Variants in LIPJ observed in about 807,000 individuals in gnomAD.
LIPJ encodes lipase family member J.
LIPJ carries 33 observed loss-of-function variants against 39.8 expected under a neutral mutation model. The observed-to-expected ratio is 0.83, with a 90% confidence interval of 0.63 to 1.11. The LOEUF is 1.11. Among genes scored for constraint, LIPJ ranks in the 50% least tolerant of loss-of-function variants. The pLI, the probability that LIPJ is intolerant of heterozygous loss-of-function variation, is 0.00. For missense variants in LIPJ, 422 were observed against 427.9 expected (o/e 0.99, Z 0.12); for synonymous variants, 128 against 139.2 (o/e 0.92, Z 0.57).
chr10:88,600,923 C>A (rs1193866345), intron 8 of LIPJ, among the ~76,000 whole-genome samples: 1 of 152,178 alleles, frequency 6.6e-6, no homozygotes, highest in East Asian at 1.9e-4. Flanking sequence ...GGGAGCCAAA[C>A]TCACCCTTTT....
chr10:88,590,657 A>C (rs201069104), exon 3 of LIPJ: 640 of 1,567,622 alleles, frequency 4.1e-4, no homozygotes, highest in Non-Finnish European at 3.2e-4. Flanking sequence ...GTGTCTTTCA[A>C]AATTAAAGAT....
chr10:88,592,445 CTGAT>C (rs1054348196), intron 4 of LIPJ: 2 of 151,788 alleles, frequency 1.3e-5, no homozygotes, highest in African/African-American at 4.8e-5. Flanking sequence ...GTACATGTGA[CTGAT>C]TGATGAAATA....
the LIPJ span, among the ~76,000 whole-genome samples, chr10:88,613,504 G>C: frequency 6.6e-6 from 1 of 151,700 alleles, no homozygotes; most frequent in Admixed American, 6.6e-5. Context: ...TTGATGGAGA[G>C]TGTATAGGGA....
At chr10:88,611,307 A>T (rs2134594666), downstream of LIPJ, among the ~76,000 whole-genome samples, 2 of 152,356 alleles carry the variant, frequency 1.3e-5, 1 homozygote, top group Middle Eastern at 6.8e-3. Flanking sequence ...TAGTCTACCT[A>T]AATGAGAGGG....
At chr10:88,583,992 A>G (rs567021080), upstream of LIPJ, 1 of 152,656 alleles carries the variant, frequency 6.6e-6, no homozygotes, top group East Asian at 1.9e-4. Context: ...GTTCTCAATG[A>G]AACAACAAAG....
At chr10:88,622,926 G>A in the LIPJ span, among the ~76,000 whole-genome samples, 1 of 152,082 alleles carries the variant, frequency 6.6e-6, no homozygotes, top group East Asian at 1.9e-4. Context: ...AGCTGATGGT[G>A]GCTTAGATCA....
the LIPJ span, among the ~76,000 whole-genome samples, chr10:88,619,179 T>G: frequency 6.8e-6 from 1 of 146,628 alleles, no homozygotes; most frequent in Non-Finnish European, 1.5e-5. Context: ...GCTTTGTTCT[T>G]TCACTCTTCA....
At chr10:88,622,220 A>T in the LIPJ span, among the ~76,000 whole-genome samples, 2 of 152,210 alleles carry the variant, frequency 1.3e-5, no homozygotes, top group Non-Finnish European at 2.9e-5. Context: ...CTCCAGGTGT[A>T]ACACTCATAC....
intron 2 of LIPJ, among the ~76,000 whole-genome samples, chr10:88,588,882 G>C (rs1183874935): frequency 6.6e-6 from 1 of 151,712 alleles, no homozygotes; most frequent in Non-Finnish European, 1.5e-5. Flanking sequence ...CAAATAATAA[G>C]GTTAATTTCA....
At chr10:88,595,218 C>A (rs1213527672) in intron 6 of LIPJ, among the ~76,000 whole-genome samples, 2 of 151,726 alleles carry the variant, frequency 1.3e-5, no homozygotes, top group African/African-American at 4.8e-5. Context: ...TCAGGAAATT[C>A]TTTCTATATT....
At chr10:88,597,683 A>T (rs1851306213) in intron 8 of LIPJ, among the ~76,000 whole-genome samples, 1 of 151,828 alleles carries the variant, frequency 6.6e-6, no homozygotes, top group South Asian at 2.1e-4. Flanking sequence ...GACTTTGTTG[A>T]TTTTGTTCAA....
At chr10:88,598,211 G>C (rs1189071865) in intron 8 of LIPJ, among the ~76,000 whole-genome samples, 1 of 151,956 alleles carries the variant, frequency 6.6e-6, no homozygotes, top group Non-Finnish European at 1.5e-5. Flanking sequence ...GGAGGAAGTA[G>C]GGTCTGGCTT....
upstream of LIPJ, chr10:88,584,171 A>G (rs2134528022): frequency 6.6e-6 from 1 of 152,366 alleles, no homozygotes; most frequent in East Asian, 1.9e-4. Flanking sequence ...TATTTACTTC[A>G]TGTCCACATC....
the LIPJ span, among the ~76,000 whole-genome samples, chr10:88,622,046 C>T: frequency 1.3e-5 from 2 of 152,162 alleles, no homozygotes; most frequent in Admixed American, 6.5e-5. Flanking sequence ...TCAGCAGCTT[C>T]GAGTGTTGAC....
chr10:88,605,941 G>A (rs1851651877), intron 10 of LIPJ, among the ~76,000 whole-genome samples: 2 of 152,140 alleles, frequency 1.3e-5, no homozygotes, highest in African/African-American at 4.8e-5. Context: ...TTGACAGGCA[G>A]TAGAAGAAGT....
At chr10:88,613,922 G>A in the LIPJ span, among the ~76,000 whole-genome samples, 2 of 148,144 alleles carry the variant, frequency 1.4e-5, no homozygotes, top group South Asian at 4.2e-4. Context: ...TGTTAAAAAT[G>A]TATAAACTGT....
At chr10:88,588,569 T>TA (rs1850984574) in intron 2 of LIPJ, among the ~76,000 whole-genome samples, 1 of 151,984 alleles carries the variant, frequency 6.6e-6, no homozygotes, top group South Asian at 2.1e-4. Flanking sequence ...TTCAGCATGA[T>TA]ATGGATGAAA....
downstream of LIPJ, among the ~76,000 whole-genome samples, chr10:88,611,364 C>T (rs562032791): frequency 2.6e-5 from 4 of 152,286 alleles, no homozygotes; most frequent in Admixed American, 6.5e-5. Flanking sequence ...GTTACTTTAA[C>T]ACCCCAAAAG....
At chr10:88,590,009 G>T (rs796170376) in intron 2 of LIPJ, among the ~76,000 whole-genome samples, 7 of 151,636 alleles carry the variant, frequency 4.6e-5, no homozygotes, top group African/African-American at 1.7e-4. Flanking sequence ...TGCTTTTGGG[G>T]GGAGAATCTG....
Sources: gnomAD v4.1 joint callset for allele counts (sites outside exome capture counted in the v4.1 genomes callset) on GRCh38, gnomAD v4.1.1 for gene constraint, MANE v1.5 for transcripts, NCBI Gene and HGNC (gene_info 2026-07-23, HGNC 2026-07-21) for gene names.